Variants in NCOA2 observed in about 807,000 individuals in gnomAD.
NCOA2 encodes the protein class E basic helix-loop-helix protein 75.
NCOA2 carries 21 observed loss-of-function variants against 145.1 expected under a neutral mutation model. The ratio of observed to expected loss-of-function variants is 0.14; its 90% CI spans 0.10 to 0.21. The LOEUF is 0.21. Among genes scored for constraint, NCOA2 ranks in the 10% least tolerant of loss-of-function variants. The pLI is 1.00. For missense variants in NCOA2, 1,472 were observed against 1,837.6 expected (o/e 0.80, Z 3.64); for synonymous variants, 619 against 637.5 (o/e 0.97, Z 0.44).
chr8:70,157,320 T>C (rs994335979), intron 10 of NCOA2, 80 bp from the exon 11 acceptor site: 11 of 1,257,368 alleles, frequency 8.7e-6, no homozygotes, highest in African/African-American at 4.5e-5. Context: ...AAAAATGATA[T>C]GGCCTCTTCA....
chr8:70,371,507 A>G (rs1242672339), intron 1 of NCOA2, among the ~76,000 whole-genome samples: 1 of 152,200 alleles, frequency 6.6e-6, no homozygotes, highest in Non-Finnish European at 1.5e-5. Flanking sequence ...TAACATATAT[A>G]TAGCCTGATT....
At chr8:70,159,246 T>A (rs5026350) in intron 10 of NCOA2, among the ~76,000 whole-genome samples, 57,455 of 84,602 alleles carry the variant, frequency 0.68, 19,219 homozygotes, top group Non-Finnish European at 0.77. Flanking sequence ...ATATATATTT[T>A]TTTTTTTTTC....
At chr8:70,415,346 G>A in the NCOA2 span, among the ~76,000 whole-genome samples, 1 of 152,010 alleles carries the variant, frequency 6.6e-6, no homozygotes, top group African/African-American at 2.4e-5. Flanking sequence ...CAAACAAAAA[G>A]TACTAGAGAC....
chr8:70,170,346 C>G lies in NCOA2; in HGVS notation c.397G>C (p.Glu133Gln), dbSNP rs944538623. 5.6e-6 allele frequency: 9 copies of G among 1,600,590 alleles called. No homozygotes were observed. The highest frequency in any genetic ancestry group is 7.7e-6 in the Non-Finnish European group (9 of 1,173,202). ...TCTGACACAAACACAACGTTGCCTT[C>G]CAGGTTCACTACAAAGAAGAACCCA... ...LDGFFFVVNL[E>Q]GNVVFVSENV... The change falls in exon 6 of 23, where the codon GAA becomes CAA. Residue 133 changes from glutamate to glutamine, a missense_variant. Around this residue, in one of 4 missense-constraint regions of NCOA2, gnomAD observed 284 missense variants for 467.8 expected, o/e 0.61. Coordinates refer to ENST00000452400, the MANE Select transcript of NCOA2 (RefSeq NM_006540.4).
In NCOA2 at chr8:70,156,039, C is replaced by T; in HGVS notation, c.2326G>A (p.Ala776Thr). ...ATTGCTATTAATTTTGTGTTACTGG[C>T]AGGATCTGTCTTACTGTCCAGTCTC... ...LERLDSKTDPASNTKLIAMKT... is the reference protein window; with the variant it reads ...LERLDSKTDPTSNTKLIAMKT... Residue 776 changes from alanine (A) to threonine (T), a missense_variant, in exon 11 of 23, where the codon GCC (alanine) becomes ACC (threonine). Ala to Thr is a moderately conservative substitution (Grantham distance 58, BLOSUM62 0). Coordinates refer to ENST00000452400, the MANE Select transcript of NCOA2 (RefSeq NM_006540.4). 1.2e-6 allele frequency: 2 copies of T among 1,609,306 alleles called. No individual in the cohort carries two copies. The highest frequency in any genetic ancestry group is 1.7e-5 in the Admixed American group (1 of 58,730).
chr8:70,456,383 G>A, the NCOA2 span, among the ~76,000 whole-genome samples: 1 of 152,136 alleles, frequency 6.6e-6, no homozygotes, highest in African/African-American at 2.4e-5. Context: ...ATGTTATTGG[G>A]GACCAACCTT....
chr8:70,227,597 C>G (rs1820764511), intron 2 of NCOA2, among the ~76,000 whole-genome samples: 1 of 152,154 alleles, frequency 6.6e-6, no homozygotes, highest in Admixed American at 6.5e-5. Flanking sequence ...TTCGTCAGAT[C>G]ATTACAATTA....
chr8:70,249,866 G>A (rs1455324336), intron 2 of NCOA2, among the ~76,000 whole-genome samples: 1 of 150,422 alleles, frequency 6.6e-6, no homozygotes, highest in African/African-American at 2.4e-5. Context: ...CGGAGGCTAA[G>A]GCAGGAGAAT....
chr8:70,134,693 T>C (rs1809527101), intron 15 of NCOA2, among the ~76,000 whole-genome samples: 1 of 152,186 alleles, frequency 6.6e-6, no homozygotes, highest in Non-Finnish European at 1.5e-5. Context: ...AAATGCTTAA[T>C]AACAAACAAC....
chr8:70,213,864 C>G (rs146131722), intron 4 of NCOA2, 39 bp downstream of exon 4: 2 of 1,508,146 alleles, frequency 1.3e-6, no homozygotes, highest in African/African-American at 1.4e-5. Context: ...AAAACAGAAA[C>G]CAATTCAACT....
At chr8:70,212,600 T>C (rs919120861) in intron 4 of NCOA2, among the ~76,000 whole-genome samples, 2 of 152,224 alleles carry the variant, frequency 1.3e-5, no homozygotes, top group African/African-American at 4.8e-5. Flanking sequence ...CTCAACAGTA[T>C]AGGTATGAAA....
At chr8:70,295,901 C>T (rs559428229) in intron 2 of NCOA2, among the ~76,000 whole-genome samples, 11 of 152,174 alleles carry the variant, frequency 7.2e-5, no homozygotes, top group Non-Finnish European at 1.6e-4. Flanking sequence ...GCCAAGATTG[C>T]ACCACTGCAC....
At chr8:70,347,898 T>C (rs1808826420) in intron 1 of NCOA2, among the ~76,000 whole-genome samples, 2 of 152,242 alleles carry the variant, frequency 1.3e-5, no homozygotes, top group Non-Finnish European at 2.9e-5. Flanking sequence ...TATTGTTAAT[T>C]TGCATTGGAG....
At chr8:70,438,957 A>G in the NCOA2 span, among the ~76,000 whole-genome samples, 1 of 152,166 alleles carries the variant, frequency 6.6e-6, no homozygotes, top group Non-Finnish European at 1.5e-5. Context: ...CTATCCAGAA[A>G]TTTGGGCTTC....
In NCOA2 at chr8:70,163,536, C is replaced by G. The variant is rs1813285034; in HGVS notation, c.761G>C (p.Arg254Thr). 1 of 1,613,830 alleles carries G rather than the reference C, an allele frequency of 6.2e-7. No individual in the cohort carries two copies. Among genetic ancestry groups the G allele is most frequent in the Non-Finnish European group, 8.5e-7 (1 of 1,179,866 alleles). Residue 254 changes from arginine to threonine, a missense_variant, in exon 8 of 23, where the codon AGA becomes ACA. Physicochemically the swap from Arg to Thr is moderately conservative, Grantham distance 71 (BLOSUM62 -1). Transcript: ENST00000452400. ...TGGTCTTTCCTTCATGGGAACTCTT[C>G]TTGCCACGCAAATCAAGCAGGACTG... ...DLQSCLICVA[R>T]RVPMKERPVL...
chr8:70,292,701 A>C (rs542357852), intron 2 of NCOA2, among the ~76,000 whole-genome samples: 22 of 152,380 alleles, frequency 1.4e-4, no homozygotes, highest in African/African-American at 4.8e-4. Flanking sequence ...CACTTAGCCT[A>C]GGCTAGGGAT....
chr8:70,327,176 TTGAAA>T (rs1366463149), intron 1 of NCOA2, among the ~76,000 whole-genome samples: 3 of 152,228 alleles, frequency 2.0e-5, no homozygotes, highest in African/African-American at 4.8e-5. Flanking sequence ...ATGAAAAGTC[TTGAAA>T]TGAACAAATC....
intron 12 of NCOA2, among the ~76,000 whole-genome samples, chr8:70,146,235 C>T (rs1451021966): frequency 1.3e-5 from 2 of 152,172 alleles, no homozygotes; most frequent in African/African-American, 4.8e-5. Context: ...GCTTACTTTT[C>T]AAAGTACAGC....
At chr8:70,356,664 G>A (rs535619813) in intron 1 of NCOA2, among the ~76,000 whole-genome samples, 1 of 152,258 alleles carries the variant, frequency 6.6e-6, no homozygotes, top group East Asian at 1.9e-4. Flanking sequence ...AAAGCAGAAC[G>A]CTTTTCCTAT....
Sources: allele counts gnomAD v4.1 joint callset (sites outside exome capture counted in the v4.1 genomes callset), GRCh38; gene constraint gnomAD v4.1.1; regional missense constraint gnomAD v4.1.1; transcripts MANE v1.5; gene names NCBI Gene and HGNC (gene_info 2026-07-23, HGNC 2026-07-21).